Variants in RAD51C observed in about 807,000 individuals in gnomAD.
RAD51C encodes DNA repair protein RAD51 homolog 3.
In RAD51C, 42 loss-of-function variants were observed where a neutral mutation model predicts 45.0. The ratio of observed to expected loss-of-function variants is 0.93; its 90% CI spans 0.73 to 1.21. The LOEUF (loss-of-function observed/expected upper bound fraction) is 1.21, where lower values mean the gene tolerates loss of function less well. Among genes scored for constraint, RAD51C ranks in the 50% most tolerant of loss-of-function variants. RAD51C has a pLI of 0.00. For synonymous variants in RAD51C, 172 were observed against 159.8 expected, an observed-to-expected ratio of 1.08 and a Z score of -0.58; for missense variants, 474 against 452.2, an observed-to-expected ratio of 1.05 and a Z score of -0.44.
chr17:58,710,110 A>G, intron 5 of RAD51C, 120 bp downstream of exon 5: 2 of 1,178,032 alleles, frequency 1.7e-6, no homozygotes, highest in South Asian at 2.6e-5. Flanking sequence ...AGTTTTGAGT[A>G]AAGTTACGTT....
At chr17:58,721,960 A>T (rs1363902734) in intron 6 of RAD51C, among the ~76,000 whole-genome samples, 1 of 152,106 alleles carries the variant, frequency 6.6e-6, no homozygotes, top group Non-Finnish European at 1.5e-5. Context: ...TGTTTCTTCC[A>T]GCTGTTTTTG....
At chr17:58,722,931 C>T (rs537736578) in intron 6 of RAD51C, among the ~76,000 whole-genome samples, 2 of 152,256 alleles carry the variant, frequency 1.3e-5, no homozygotes, top group African/African-American at 4.8e-5. Context: ...ATGCAACAGG[C>T]AGAAGACTTA....
intron 3 of RAD51C, among the ~76,000 whole-genome samples, chr17:58,700,548 T>C (rs1470675575): frequency 6.6e-6 from 1 of 152,018 alleles, no homozygotes; most frequent in East Asian, 1.9e-4. Flanking sequence ...GTTCACGCCA[T>C]TCTCCTGCCT....
chr17:58,704,147 C>A (rs1259002739), intron 4 of RAD51C, among the ~76,000 whole-genome samples: 1 of 151,960 alleles, frequency 6.6e-6, no homozygotes, highest in Non-Finnish European at 1.5e-5. Context: ...CCAGTCTTAG[C>A]AAAGAATCCT....
At position 58,696,771 on chromosome 17, in the gene RAD51C, G is replaced by T. The variant is rs1188093917; in HGVS notation, c.483G>T (p.Glu161Asp). Residue 161 changes from glutamate to aspartate, a missense_variant, in exon 3 of 9, where the codon GAG becomes GAT. By Grantham distance (45) the Glu-to-Asp change is conservative. Transcript: ENST00000337432. ...GTGAAGCAGTTTTTATTGATACAGA[G>T]GGAAGTTTTATGGTTGATAGAGTGG... ...VAGEAVFIDTEGSFMVDRVVD... is the reference protein window; with the variant it reads ...VAGEAVFIDTDGSFMVDRVVD... 1 of 1,614,172 alleles carries T rather than the reference G, an allele frequency of 6.2e-7. No homozygotes were observed. Among genetic ancestry groups the T allele is most frequent in the Non-Finnish European group, 8.5e-7 (1 of 1,180,040 alleles).
At chr17:58,718,187 G>A (rs1040534449) in intron 5 of RAD51C, among the ~76,000 whole-genome samples, 1 of 152,026 alleles carries the variant, frequency 6.6e-6, no homozygotes, top group Non-Finnish European at 1.5e-5. Context: ...TGGTAGAGAT[G>A]GGGTATCGCC....
At chr17:58,699,097 G>T (rs1046817816) in intron 3 of RAD51C, among the ~76,000 whole-genome samples, 3 of 151,504 alleles carry the variant, frequency 2.0e-5, no homozygotes, top group Non-Finnish European at 4.4e-5. Flanking sequence ...ACCTCTGCCT[G>T]CTGGGTTCAA....
chr17:58,699,434 G>A (rs903301223), intron 3 of RAD51C, among the ~76,000 whole-genome samples: 1 of 151,398 alleles, frequency 6.6e-6, no homozygotes, highest in Non-Finnish European at 1.5e-5. Flanking sequence ...TTAAATGAGT[G>A]TAGTCAGCTG....
chr17:58,725,347 C>T (rs2049080762), intron 7 of RAD51C, among the ~76,000 whole-genome samples: 1 of 152,068 alleles, frequency 6.6e-6, no homozygotes, highest in African/African-American at 2.4e-5. Flanking sequence ...GGCAACAGTT[C>T]TCCAGCTGTC....
chr17:58,696,149 T>C (rs1192690297), intron 2 of RAD51C, among the ~76,000 whole-genome samples: 2 of 151,368 alleles, frequency 1.3e-5, no homozygotes, highest in African/African-American at 4.9e-5. Context: ...ATATTCTTAA[T>C]TGGCTGGGCG....
intron 7 of RAD51C, among the ~76,000 whole-genome samples, chr17:58,726,671 CGTATGTATATGT>C (rs2049164548): frequency 1.3e-5 from 2 of 150,496 alleles, no homozygotes; most frequent in Admixed American, 6.6e-5. Flanking sequence ...TATACATATA[CGTATGTATATGT>C]GTGTGTATAT....
intron 7 of RAD51C, among the ~76,000 whole-genome samples, chr17:58,727,567 T>C (rs1359396474): frequency 1.3e-5 from 2 of 152,216 alleles, no homozygotes; most frequent in African/African-American, 4.8e-5. Context: ...TCAAACTTTT[T>C]TTTTTCGGGC....
At chr17:58,721,857 A>G (rs2048929386) in intron 6 of RAD51C, among the ~76,000 whole-genome samples, 1 of 152,170 alleles carries the variant, frequency 6.6e-6, no homozygotes, top group Non-Finnish European at 1.5e-5. Context: ...AATAGAAAGT[A>G]CAGGGTACTG....
rs587782449 is a variant in RAD51C, at chr17:58,734,187, C to T, written c.1096C>T (p.Arg366Trp). The change falls in exon 9 of 9, where the codon CGG (arginine) becomes TGG (tryptophan). Residue 366 changes from arginine (R) to tryptophan (W), a missense_variant. Coordinates refer to ENST00000337432, the MANE Select transcript of RAD51C (RefSeq NM_058216.3). ...SLQTEGSLST[R>W]KRSRDPEEEL ...GCAAACAGAAGGTTCCTTGAGCACC[C>T]GGAAACGGTCACGAGACCCAGAGGA... The T allele has an allele frequency of 9.9e-6, 16 of 1,612,968 alleles. No homozygotes were observed. Among genetic ancestry groups the T allele is most frequent in the Admixed American group, 1.7e-5 (1 of 59,894 alleles).
Position 58,718,712 on chromosome 17 carries a change from A to AT in RAD51C, c.838-2024dup, listed in dbSNP as rs1015738886. 6.7e-5 allele frequency among the ~76,000 whole-genome samples: 10 copies of AT among 150,284 alleles called. 1 individual carries two copies. The highest frequency in any genetic ancestry group is 1.3e-4 in the Admixed American group (2 of 15,024). ...GGAGTCATTTGACCTGACTACTAGG[A>AT]TTTTTTTTTTCCTAGTTCATCTACT... On this transcript the variant is annotated intron_variant, in intron 5 of 8. Transcript: ENST00000337432.
At chr17:58,730,745 T>C (rs560174493) in intron 7 of RAD51C, among the ~76,000 whole-genome samples, 1 of 152,298 alleles carries the variant, frequency 6.6e-6, no homozygotes, top group South Asian at 2.1e-4. Flanking sequence ...TTCCTCTAGG[T>C]TAGAATCTGT....
intron 1 of RAD51C, 55 bp downstream of exon 1, chr17:58,692,843 A>G (rs1357624582): frequency 6.2e-7 from 1 of 1,613,028 alleles, no homozygotes; most frequent in East Asian, 2.2e-5. Flanking sequence ...GCGCCGCCTC[A>G]GTCTTCGTTC....
At chr17:58,708,595 T>A (rs1303991756) in intron 4 of RAD51C, among the ~76,000 whole-genome samples, 1 of 152,098 alleles carries the variant, frequency 6.6e-6, no homozygotes, top group Non-Finnish European at 1.5e-5. Context: ...CATTGGAGTC[T>A]TTTGTTTGTT....
rs2048033583 is a variant in RAD51C at position 58,696,849 on chromosome 17, C to A, written c.561C>A (p.His187Gln). ...IQHLQLIAEK[H>Q]KGEEHRKALE... The stretch of plus-strand genomic sequence containing the variant: ...ACCTTCAGCTTATAGCAGAAAAACA[C>A]AAGGGAGAGGGTAAGTTAGTAAATG... The change falls in exon 3 of 9, where the codon CAC (histidine) becomes CAA (glutamine). Residue 187 changes from histidine (H) to glutamine (Q), a missense_variant. Coordinates refer to ENST00000337432, the MANE Select transcript of RAD51C (RefSeq NM_058216.3). 6.2e-7 allele frequency: 1 copy of A among 1,614,044 alleles called. No individual in the cohort carries two copies. Among genetic ancestry groups the A allele is most frequent in the Non-Finnish European group, 8.5e-7 (1 of 1,179,942 alleles).
Sources: gnomAD v4.1 joint callset for allele counts (sites outside exome capture counted in the v4.1 genomes callset) on GRCh38, gnomAD v4.1.1 for gene constraint, MANE v1.5 for transcripts, NCBI Gene and HGNC (gene_info 2026-07-23, HGNC 2026-07-21) for gene names.